Variants in ZBTB20 observed in about 807,000 individuals in gnomAD.
ZBTB20 encodes zinc finger and BTB domain-containing protein 20.
ZBTB20 carries 9 observed loss-of-function variants against 56.9 expected under a neutral mutation model. The ratio of observed to expected loss-of-function variants is 0.16; its 90% CI spans 0.10 to 0.28. The LOEUF is 0.28. ZBTB20 is among the 10% of genes least tolerant of loss of function. The pLI is 1.00. For synonymous variants in ZBTB20, 417 were observed against 420.7 expected (o/e 0.99, Z 0.11); for missense variants, 655 against 1,003.0 (o/e 0.65, Z 4.69).
intron 6 of ZBTB20, among the ~76,000 whole-genome samples, chr3:114,643,968 C>G (rs1372444940): frequency 6.6e-6 from 1 of 152,022 alleles, no homozygotes; most frequent in Non-Finnish European, 1.5e-5. Context: ...TGTTCTGGCA[C>G]ATTATAGGTT....
At chr3:114,664,575 T>G (rs764095751) in intron 6 of ZBTB20, among the ~76,000 whole-genome samples, 6 of 150,996 alleles carry the variant, frequency 4.0e-5, no homozygotes, top group Admixed American at 1.3e-4. Flanking sequence ...GGAACAGGTC[T>G]CATAGGTCTA....
chr3:114,966,990 A>G (rs565672896), intron 3 of ZBTB20, among the ~76,000 whole-genome samples: 219 of 152,226 alleles, frequency 1.4e-3, no homozygotes, highest in African/African-American at 5.1e-3. Context: ...GCCTAAATTA[A>G]CTTTCTGTTA....
intron 2 of ZBTB20, among the ~76,000 whole-genome samples, chr3:115,007,720 C>T (rs543997568): frequency 6.6e-6 from 1 of 151,902 alleles, no homozygotes; most frequent in East Asian, 2.0e-4. Flanking sequence ...TTCTTTACCC[C>T]TCATCCTGTT....
chr3:114,661,323 A>G (rs2060710458), intron 6 of ZBTB20, among the ~76,000 whole-genome samples: 1 of 152,146 alleles, frequency 6.6e-6, no homozygotes, highest in Non-Finnish European at 1.5e-5. Flanking sequence ...CCTTCTTGCT[A>G]TCTTTGCTGG....
At chr3:114,569,437 T>C (rs1243223889) in intron 6 of ZBTB20, among the ~76,000 whole-genome samples, 1 of 152,188 alleles carries the variant, frequency 6.6e-6, no homozygotes, top group Non-Finnish European at 1.5e-5. Context: ...AGACATTCAG[T>C]TTCTTAACCT....
chr3:115,037,282 G>A (rs550542488), intron 2 of ZBTB20, among the ~76,000 whole-genome samples: 3 of 151,974 alleles, frequency 2.0e-5, no homozygotes, highest in Admixed American at 6.6e-5. Context: ...AAATTTTTGG[G>A]GGGGGCGGAG....
intron 3 of ZBTB20, among the ~76,000 whole-genome samples, chr3:114,903,893 C>A (rs151171025): frequency 4.0e-5 from 6 of 151,676 alleles, no homozygotes; most frequent in African/African-American, 1.2e-4. Context: ...TAAAAAAAAA[C>A]GTTAGAGTCA....
chr3:114,887,090 CT>C (rs2076629693), intron 4 of ZBTB20, among the ~76,000 whole-genome samples: 1 of 152,138 alleles, frequency 6.6e-6, no homozygotes, highest in Admixed American at 6.5e-5. Flanking sequence ...GCAGGTCTCT[CT>C]TTATGTTTCT....
chr3:114,650,116 T>G (rs563480288), intron 6 of ZBTB20, among the ~76,000 whole-genome samples: 38 of 152,026 alleles, frequency 2.5e-4, no homozygotes, highest in African/African-American at 8.7e-4. Flanking sequence ...TGTTTCTCAG[T>G]TTTAATCTCT....
intron 1 of ZBTB20, among the ~76,000 whole-genome samples, chr3:115,086,466 C>T (rs1357188976): frequency 2.0e-5 from 3 of 151,732 alleles, no homozygotes; most frequent in Non-Finnish European, 4.4e-5. Flanking sequence ...TAACAATTAG[C>T]CTGCATGTGC....
chr3:114,742,669 T>A (rs1326643731), intron 5 of ZBTB20, among the ~76,000 whole-genome samples: 1 of 152,180 alleles, frequency 6.6e-6, no homozygotes, highest in African/African-American at 2.4e-5. Context: ...AGATATGAAC[T>A]CAGATCTGTC....
At position 114,335,840 on chromosome 3, in the gene ZBTB20, A is replaced by T. The variant is rs1040145756; in HGVS notation, c.*3165T>A. On this transcript the variant is annotated 3_prime_UTR_variant, in exon 12 of 12. Coordinates refer to ENST00000675478, the MANE Select transcript of ZBTB20 (RefSeq NM_001348800.3). ...CTTTTTTTTAAGAGACACTTCCTTT[A>T]CAGGGAAAGGATGATAGACTCCTCA... The T allele has an allele frequency of 7.2e-5, 11 of 152,068 alleles. No homozygotes were observed. The highest frequency in any genetic ancestry group is 1.6e-4 in the Non-Finnish European group (11 of 68,004). 9.4% of individuals were successfully genotyped at this position (152,068 alleles called of 1,614,324 possible).
intron 7 of ZBTB20, among the ~76,000 whole-genome samples, chr3:114,465,331 CA>C (rs546543112): frequency 1.4e-3 from 220 of 152,180 alleles, no homozygotes; most frequent in African/African-American, 5.1e-3. Flanking sequence ...TTTTCTGAAA[CA>C]GTACCACCTG....
At chr3:114,674,644 C>T (rs2108199181) in intron 6 of ZBTB20, among the ~76,000 whole-genome samples, 1 of 152,094 alleles carries the variant, frequency 6.6e-6, no homozygotes, top group South Asian at 2.1e-4. Context: ...TGAAATTAAG[C>T]TTTAACCTGT....
At chr3:114,639,385 G>A (rs1293175808) in intron 6 of ZBTB20, among the ~76,000 whole-genome samples, 1 of 151,980 alleles carries the variant, frequency 6.6e-6, no homozygotes, top group African/African-American at 2.4e-5. Context: ...GCAGGATTCT[G>A]TCAGAGGCTC....
intron 5 of ZBTB20, among the ~76,000 whole-genome samples, chr3:114,779,865 A>G (rs2069937955): frequency 6.6e-6 from 1 of 152,214 alleles, no homozygotes; most frequent in Admixed American, 6.5e-5. Flanking sequence ...CCAGGTTATC[A>G]GTTACTTAAT....
intron 1 of ZBTB20, among the ~76,000 whole-genome samples, chr3:115,124,148 T>TG (rs2084258086): frequency 6.6e-6 from 1 of 152,232 alleles, no homozygotes. Flanking sequence ...GTTATTTCAT[T>TG]GAGTAATTTA....
At chr3:115,064,282 C>T (rs552834043) in intron 2 of ZBTB20, among the ~76,000 whole-genome samples, 1 of 152,046 alleles carries the variant, frequency 6.6e-6, no homozygotes, top group Admixed American at 6.6e-5. Flanking sequence ...TTTTTCCTCA[C>T]TTGGACGTAG....
At position 114,322,124 on chromosome 3, in the gene ZBTB20, C is replaced by G. The variant is rs1008475446; in HGVS notation, c.*16881G>C. 6.6e-6 allele frequency: 1 copy of G among 152,196 alleles called. No individual in the cohort carries two copies. Among genetic ancestry groups the G allele is most frequent in the African/African-American group, 2.4e-5 (1 of 41,436 alleles). 9.4% of individuals were successfully genotyped at this position (152,196 alleles called of 1,614,324 possible). On this transcript the variant is annotated 3_prime_UTR_variant, in exon 12 of 12. Transcript: ENST00000675478. ...GCTGTTGGCTCTGGCCATACAGAAC[C>G]CTGATCTGCACTGTGTACATGCTGC...
Sources: gnomAD v4.1 joint callset for allele counts (sites outside exome capture counted in the v4.1 genomes callset) on GRCh38, gnomAD v4.1.1 for gene constraint, MANE v1.5 for transcripts, NCBI Gene and HGNC (gene_info 2026-07-23, HGNC 2026-07-21) for gene names.